The following MIGA1 variants were observed in gnomAD, a reference collection of about 807,000 sequenced individuals.
MIGA1 encodes the protein mitoguardin 1.
MIGA1 carries 58 observed loss-of-function variants against 82.0 expected under a neutral mutation model. That is an observed-to-expected ratio of 0.71 (90% CI 0.57 to 0.88). The LOEUF (loss-of-function observed/expected upper bound fraction) is 0.88. MIGA1 is among the 40% of genes least tolerant of loss of function. The pLI is 0.00. For synonymous variants in MIGA1, 249 were observed against 253.6 expected (o/e 0.98, Z 0.17); for missense variants, 751 against 749.1 (o/e 1.00, Z -0.03).
chr1:77,780,660 G>T (rs1681865842), intron 1 of MIGA1, among the ~76,000 whole-genome samples: 2 of 152,172 alleles, frequency 1.3e-5, no homozygotes, highest in Middle Eastern at 3.4e-3. Context: ...TATCACACAG[G>T]ACAATATTTT....
In MIGA1 at chr1:77,779,739, A is replaced by T; in HGVS notation, c.81+3A>T. The stretch of plus-strand genomic sequence containing the variant: ...CTGTACCTGGCCTGGAGCTCCAGGT[A>T]CAGGGCCAGGGGCGGGGTGGGGTGG... On this transcript the variant is annotated splice_donor_region_variant and intron_variant, in intron 1 of 15. Transcript: ENST00000370791. The T allele has an allele frequency of 6.4e-7, 1 of 1,563,360 alleles. No homozygotes were observed. Among genetic ancestry groups the T allele is most frequent in the East Asian group, 2.4e-5 (1 of 42,130 alleles).
intron 2 of MIGA1, among the ~76,000 whole-genome samples, chr1:77,794,302 C>T (rs1217412598): frequency 6.6e-6 from 1 of 151,964 alleles, no homozygotes; most frequent in Non-Finnish European, 1.5e-5. Context: ...TACTTTTTTC[C>T]ACCTTATATC....
At chr1:77,829,225 G>A (rs1009161404) in intron 7 of MIGA1, among the ~76,000 whole-genome samples, 19 of 152,084 alleles carry the variant, frequency 1.2e-4, no homozygotes, top group Non-Finnish European at 1.8e-4. Context: ...TTTGAGACCA[G>A]CCTGGGCAAT....
At chr1:77,817,644 G>T (rs907930200) in intron 7 of MIGA1, among the ~76,000 whole-genome samples, 4 of 152,146 alleles carry the variant, frequency 2.6e-5, no homozygotes, top group African/African-American at 4.8e-5. Flanking sequence ...TGAATTTATG[G>T]CTGAGACTCT....
At chr1:77,852,767 T>A (rs1000766017) in intron 8 of MIGA1, among the ~76,000 whole-genome samples, 1 of 152,194 alleles carries the variant, frequency 6.6e-6, no homozygotes, top group African/African-American at 2.4e-5. Flanking sequence ...CTTGGCTCAC[T>A]GCAACCTCCA....
chr1:77,831,015 A>G (rs1005131877), intron 7 of MIGA1, among the ~76,000 whole-genome samples: 1 of 152,196 alleles, frequency 6.6e-6, no homozygotes, highest in African/African-American at 2.4e-5. Flanking sequence ...ATACCGAGCA[A>G]TTAGACTCAG....
chr1:77,807,724 T>G (rs923025101), intron 5 of MIGA1, among the ~76,000 whole-genome samples: 1 of 152,190 alleles, frequency 6.6e-6, no homozygotes, highest in East Asian at 1.9e-4. Context: ...TTTTGGTGGC[T>G]TCCAACATTG....
At chr1:77,822,780 C>T (rs58423871) in intron 7 of MIGA1, among the ~76,000 whole-genome samples, 2 of 151,334 alleles carry the variant, frequency 1.3e-5, no homozygotes, top group African/African-American at 4.9e-5. Context: ...GAGTAGTTTG[C>T]CAACTTAACA....
At chr1:77,823,031 C>T (rs1443132886) in intron 7 of MIGA1, among the ~76,000 whole-genome samples, 2 of 150,904 alleles carry the variant, frequency 1.3e-5, no homozygotes, top group African/African-American at 2.4e-5. Flanking sequence ...TTAGTAGAGA[C>T]GGGGTTTCAC....
At chr1:77,847,306 C>G in intron 8 of MIGA1, 1 of 917,418 alleles carries the variant, frequency 1.1e-6, no homozygotes, top group Non-Finnish European at 1.8e-6. Flanking sequence ...AAGGCCCTTG[C>G]AGAAAATGCT....
chr1:77,813,233 C>G (rs1324241566), intron 5 of MIGA1, among the ~76,000 whole-genome samples: 1 of 152,102 alleles, frequency 6.6e-6, no homozygotes, highest in Non-Finnish European at 1.5e-5. Context: ...CCACCCACCT[C>G]GGGCTCCCAA....
At chr1:77,781,661 C>G (rs1681921837) in intron 1 of MIGA1, among the ~76,000 whole-genome samples, 1 of 152,132 alleles carries the variant, frequency 6.6e-6, no homozygotes, top group East Asian at 1.9e-4. Flanking sequence ...TCATATGTCT[C>G]TATCACAGGT....
intron 7 of MIGA1, among the ~76,000 whole-genome samples, chr1:77,819,249 C>G (rs1683706823): frequency 6.6e-6 from 1 of 152,036 alleles, no homozygotes; most frequent in South Asian, 2.1e-4. Flanking sequence ...CGGGTTTGGA[C>G]CCAGTCAAGC....
chr1:77,817,715 A>G (rs1241111859), intron 7 of MIGA1, among the ~76,000 whole-genome samples: 2 of 152,070 alleles, frequency 1.3e-5, no homozygotes, highest in Admixed American at 1.3e-4. Flanking sequence ...AAGTCAGTTA[A>G]CTCTCCTCAT....
chr1:77,839,814 C>T (rs917432705), intron 7 of MIGA1, among the ~76,000 whole-genome samples: 1 of 152,178 alleles, frequency 6.6e-6, no homozygotes, highest in Non-Finnish European at 1.5e-5. Flanking sequence ...GCAATCTTGG[C>T]TCACTGCAGC....
chr1:77,806,661 T>G (rs1022434943), intron 4 of MIGA1, among the ~76,000 whole-genome samples: 1 of 152,148 alleles, frequency 6.6e-6, no homozygotes, highest in Non-Finnish European at 1.5e-5. Context: ...TAAATCACAG[T>G]AGGTATAGAT....
chr1:77,868,217 A>C (rs1219333067), intron 14 of MIGA1: 1 of 152,186 alleles, frequency 6.6e-6, no homozygotes, highest in East Asian at 1.9e-4. Flanking sequence ...TACTTCTTAG[A>C]ATAAATATTG....
intron 8 of MIGA1, among the ~76,000 whole-genome samples, chr1:77,850,987 A>G (rs998186771): frequency 6.6e-6 from 1 of 152,018 alleles, no homozygotes; most frequent in African/African-American, 2.4e-5. Flanking sequence ...CACCTGCCTC[A>G]GCCTCCCAAG....
At chr1:77,794,596 C>T (rs1021843434) in intron 2 of MIGA1, among the ~76,000 whole-genome samples, 1 of 152,148 alleles carries the variant, frequency 6.6e-6, no homozygotes, top group East Asian at 1.9e-4. Flanking sequence ...GATCACTGGT[C>T]AGGCATGGTG....
Sources: gnomAD v4.1 joint callset for allele counts (sites outside exome capture counted in the v4.1 genomes callset) on GRCh38, gnomAD v4.1.1 for gene constraint, MANE v1.5 for transcripts, NCBI Gene and HGNC (gene_info 2026-07-23, HGNC 2026-07-21) for gene names.